PLCE1: variants seen among roughly 807,000 people sequenced by gnomAD.
PLCE1 encodes the protein phospholipase C epsilon 1, also known as 1-phosphatidylinositol 4,5-bisphosphate phosphodiesterase epsilon-1.
Under a neutral mutation model 242.8 loss-of-function variants are expected in PLCE1, and 119 were observed. The observed-to-expected ratio is 0.49, with a 90% CI of 0.42 to 0.57. PLCE1 has a LOEUF of 0.57. PLCE1 is among the 20% of genes least tolerant of loss of function. PLCE1 has a pLI of 0.00. For missense variants in PLCE1, 2,441 were observed against 2,788.8 expected, an observed-to-expected ratio of 0.88 and a Z score of 2.81; for synonymous variants, 945 against 1,017.4, an observed-to-expected ratio of 0.93 and a Z score of 1.35.
intron 3 of PLCE1, chr10:94,137,873 C>CT: frequency 3.4e-6 from 1 of 291,512 alleles, no homozygotes; most frequent in Non-Finnish European, 6.9e-6. Context: ...CAACTACAGT[C>CT]TCCACTGAAA....
At chr10:94,323,443 A>G (rs755473002) in intron 30 of PLCE1, among the ~76,000 whole-genome samples, 2 of 152,198 alleles carry the variant, frequency 1.3e-5, no homozygotes, top group Non-Finnish European at 2.9e-5. Flanking sequence ...TTTGTAAAAG[A>G]AAGATAAAAG....
intron 2 of PLCE1, among the ~76,000 whole-genome samples, chr10:94,050,122 C>T (rs979103361): frequency 2.0e-5 from 3 of 152,248 alleles, no homozygotes; most frequent in Admixed American, 2.0e-4. Context: ...CTTGTCATAT[C>T]TCTATTTACT....
chr10:94,265,518 T>C, intron 14 of PLCE1, 129 bp from the exon 15 acceptor site: 1 of 801,012 alleles, frequency 1.2e-6, no homozygotes, highest in Non-Finnish European at 2.1e-6. Flanking sequence ...CGTTACTAAA[T>C]TAGTTCAAAT....
At chr10:94,268,786 C>T in intron 16 of PLCE1, 143 bp from the exon 17 acceptor site, 5 of 672,112 alleles carry the variant, frequency 7.4e-6, no homozygotes, top group Non-Finnish European at 1.4e-5. Context: ...GGCAAAAATG[C>T]CATGTTTGTT....
chr10:94,326,915 C>T (rs2054038388), intron 32 of PLCE1, among the ~76,000 whole-genome samples: 1 of 152,138 alleles, frequency 6.6e-6, no homozygotes, highest in Non-Finnish European at 1.5e-5. Context: ...AATCCCAGCA[C>T]TTTGGGAGGC....
At chr10:94,159,003 T>C (rs554976647) in intron 3 of PLCE1, among the ~76,000 whole-genome samples, 19 of 147,598 alleles carry the variant, frequency 1.3e-4, no homozygotes, top group African/African-American at 4.3e-4. Context: ...TCTTTATACT[T>C]CTTTATATTT....
At chr10:94,186,593 G>C (rs935830343) in intron 4 of PLCE1, among the ~76,000 whole-genome samples, 7 of 152,266 alleles carry the variant, frequency 4.6e-5, no homozygotes, top group Admixed American at 4.6e-4. Flanking sequence ...AAATCTAATA[G>C]GAATTAATAG....
chr10:94,076,591 C>T (rs2044509252), intron 2 of PLCE1, among the ~76,000 whole-genome samples: 2 of 152,092 alleles, frequency 1.3e-5, no homozygotes, highest in South Asian at 4.1e-4. Flanking sequence ...TGAATCCTGG[C>T]AGGATTCCTT....
intron 2 of PLCE1, among the ~76,000 whole-genome samples, chr10:94,073,146 C>T (rs959844731): frequency 6.6e-6 from 1 of 152,056 alleles, no homozygotes. Context: ...AGTGTAACTG[C>T]TCCCCCCACC....
chr10:94,137,535 A>G (rs2135966859), intron 3 of PLCE1, among the ~76,000 whole-genome samples: 1 of 152,360 alleles, frequency 6.6e-6, no homozygotes, highest in East Asian at 1.9e-4. Context: ...TGCATATTGT[A>G]CCAGCCAACA....
rs569195058 is a variant in PLCE1, at chr10:94,232,380, T to G, written c.1956-1674T>G. On this transcript the variant is annotated intron_variant, in intron 5 of 32. Coordinates refer to ENST00000371380, the MANE Select transcript of PLCE1 (RefSeq NM_016341.4). Reference sequence around the variant, plus strand: ...AACCAGTCTCAGAGACTTGTAGTAGTGAGGAAGATAGAGTTTATCTTTTTT... The same window carrying G: ...AACCAGTCTCAGAGACTTGTAGTAGGGAGGAAGATAGAGTTTATCTTTTTT... Among the ~76,000 whole-genome samples, 7 of 152,316 alleles carry G rather than the reference T, an allele frequency of 4.6e-5. No individual in the cohort carries two copies. In the South Asian group the frequency reaches 1.5e-3, roughly 32 times the overall value.
At chr10:94,021,962 G>A (rs927984406) in intron 1 of PLCE1, among the ~76,000 whole-genome samples, 4 of 151,982 alleles carry the variant, frequency 2.6e-5, no homozygotes, top group African/African-American at 9.7e-5. Context: ...AAATAGTGAT[G>A]TATTGAATAT....
intron 4 of PLCE1, among the ~76,000 whole-genome samples, chr10:94,209,737 G>A (rs1319343448): frequency 6.6e-6 from 1 of 152,164 alleles, no homozygotes; most frequent in Non-Finnish European, 1.5e-5. Context: ...CAAATTCAAA[G>A]AAACACCACA....
intron 2 of PLCE1, among the ~76,000 whole-genome samples, chr10:94,083,808 C>T (rs934818194): frequency 2.0e-5 from 3 of 152,140 alleles, no homozygotes; most frequent in Non-Finnish European, 4.4e-5. Context: ...GTGTTGGCCT[C>T]GGAAAATTTA....
At chr10:94,308,458 G>T in intron 26 of PLCE1, 123 bp from the exon 27 acceptor site, 2 of 780,826 alleles carry the variant, frequency 2.6e-6, no homozygotes, top group East Asian at 2.4e-5. Context: ...CCTGTTGGTT[G>T]CATGCCTGTT....
At chr10:94,283,750 T>C (rs1002080746) in intron 20 of PLCE1, 40 bp from the exon 21 acceptor site, 4 of 1,600,674 alleles carry the variant, frequency 2.5e-6, no homozygotes, top group African/African-American at 2.7e-5. Context: ...AAGTGAAGCA[T>C]TGGGTTCGTT....
At chr10:94,290,983 A>G (rs1047298977) in intron 22 of PLCE1, among the ~76,000 whole-genome samples, 3 of 152,126 alleles carry the variant, frequency 2.0e-5, no homozygotes, top group South Asian at 2.1e-4. Flanking sequence ...ACAATCTTAA[A>G]TGGGACCACC....
intron 5 of PLCE1, among the ~76,000 whole-genome samples, chr10:94,230,815 C>T (rs1025304879): frequency 4.6e-5 from 7 of 151,846 alleles, no homozygotes; most frequent in African/African-American, 1.7e-4. Context: ...TTCTATGTTT[C>T]CCAGGCTGGT....
chr10:94,047,719 C>T (rs988012239), intron 2 of PLCE1, among the ~76,000 whole-genome samples: 1 of 152,148 alleles, frequency 6.6e-6, no homozygotes, highest in Admixed American at 6.5e-5. Flanking sequence ...ATGAACTTAA[C>T]AGCCAATAGT....
Sources: allele counts gnomAD v4.1 joint callset (sites outside exome capture counted in the v4.1 genomes callset), GRCh38; gene constraint gnomAD v4.1.1; transcripts MANE v1.5; gene names NCBI Gene and HGNC (gene_info 2026-07-23, HGNC 2026-07-21).